Variants in DHX29 observed in about 807,000 individuals in gnomAD.
DHX29 encodes the protein DExH-box helicase 29, also known as ATP-dependent RNA helicase DHX29.
DHX29 carries 79 observed loss-of-function variants against 167.9 expected under a neutral mutation model. The observed-to-expected ratio is 0.47, with a 90% CI of 0.39 to 0.57. The LOEUF (loss-of-function observed/expected upper bound fraction) is 0.57, where lower values mean the gene tolerates loss of function less well. Among genes scored for constraint, DHX29 ranks in the 20% least tolerant of loss-of-function variants. The pLI is 0.00. For synonymous variants in DHX29, 530 were observed against 546.0 expected (o/e 0.97, Z 0.41); for missense variants, 1,347 against 1,593.4 (o/e 0.85, Z 2.63).
At chr5:55,290,130 A>AT (rs1160956818) in intron 7 of DHX29, 88 bp downstream of exon 7, 2 of 1,433,700 alleles carry the variant, frequency 1.4e-6, no homozygotes, top group Non-Finnish European at 1.9e-6. Flanking sequence ...AAGGGTAGAC[A>AT]TATTAAAAGG....
chr5:55,297,500 T>G, intron 2 of DHX29, 102 bp from the exon 3 acceptor site: 1 of 635,394 alleles, frequency 1.6e-6, no homozygotes, highest in Non-Finnish European at 2.7e-6. Flanking sequence ...AGCCCAAAAT[T>G]TCAGCTAAAA....
At chr5:55,269,807 G>T (rs903175950) in intron 20 of DHX29, among the ~76,000 whole-genome samples, 170 bp from the exon 21 acceptor site, 1 of 151,730 alleles carries the variant, frequency 6.6e-6, no homozygotes, top group Non-Finnish European at 1.5e-5. Context: ...GAGGAGTTGG[G>T]GGGAAGAGTG....
intron 12 of DHX29, among the ~76,000 whole-genome samples, chr5:55,280,841 A>G (rs1747363937): frequency 6.6e-6 from 1 of 152,098 alleles, no homozygotes; most frequent in South Asian, 2.1e-4. Flanking sequence ...AGATAACTTG[A>G]ACATTATGAA....
At position 55,307,512 on chromosome 5, in the gene DHX29, G is replaced by A. The variant is rs1205787341; in HGVS notation, c.62C>T (p.Ser21Phe). Residue 21 changes from serine (S) to phenylalanine (F), a missense_variant, in exon 1 of 27, where the codon TCT (serine) becomes TTT (phenylalanine). Transcript: ENST00000251636. ...CTCGGCAGATTTGGCTCTGGAAGCA[G>A]ACACGGCGGCCCGGACCACCGCGGC... Reference protein sequence around the residue: ...PAAAVVRAAVSASRAKSAEAG... With the variant: ...PAAAVVRAAVFASRAKSAEAG... 5.0e-6 allele frequency: 8 copies of A among 1,613,548 alleles called. No individual in the cohort carries two copies. Among genetic ancestry groups the A allele is most frequent in the African/African-American group, 1.3e-5 (1 of 74,934 alleles).
At chr5:55,270,372 G>C (rs1199326887) in intron 20 of DHX29, 40 bp downstream of exon 20, 3 of 1,552,314 alleles carry the variant, frequency 1.9e-6, no homozygotes, top group Non-Finnish European at 2.6e-6. Flanking sequence ...TTCTAGAAAG[G>C]GGCGAAGGAC....
intron 9 of DHX29, 135 bp downstream of exon 9, chr5:55,285,560 CA>C (rs1747676970): frequency 8.1e-7 from 1 of 1,230,166 alleles, no homozygotes; most frequent in Non-Finnish European, 1.1e-6. Flanking sequence ...GATAATCTAT[CA>C]GACAATAAAC....
chr5:55,307,162 A>G (rs1349982709), intron 1 of DHX29, among the ~76,000 whole-genome samples: 1 of 152,244 alleles, frequency 6.6e-6, no homozygotes, highest in Non-Finnish European at 1.5e-5. Context: ...GTGAGTTAAA[A>G]GAGAAATGCC....
intron 1 of DHX29, among the ~76,000 whole-genome samples, chr5:55,302,426 C>T (rs1310410005): frequency 6.6e-6 from 1 of 151,856 alleles, no homozygotes; most frequent in Non-Finnish European, 1.5e-5. Flanking sequence ...AAATGCCAGC[C>T]GGGGCAACAT....
chr5:55,289,376 T>C lies in DHX29; in HGVS notation c.960A>G (p.Ser320=). Residue 320 remains serine, a synonymous_variant, in exon 8 of 27, where the codon TCA becomes TCG. Transcript: ENST00000251636. ...GCTTTTTCCTTTCATTTTGTTGATGTGAAATCTTCATGGCTGGGTTAAATA... is the reference window on the plus strand; with the variant it reads ...GCTTTTTCCTTTCATTTTGTTGATGCGAAATCTTCATGGCTGGGTTAAATA... ...HPVFNPAMKI[S]HQQNERKKPP... is the part of the protein sequence containing the mutation. The C allele has an allele frequency of 6.2e-7, 1 of 1,601,742 alleles. No individual in the cohort carries two copies. The highest frequency in any genetic ancestry group is 8.5e-7 in the Non-Finnish European group (1 of 1,176,338).
chr5:55,265,380 A>G (rs1409876127), intron 23 of DHX29, among the ~76,000 whole-genome samples: 5 of 152,086 alleles, frequency 3.3e-5, no homozygotes, highest in African/African-American at 9.6e-5. Flanking sequence ...GAAAAAAGAA[A>G]AAAAAAAAAC....
chr5:55,283,096 C>A, intron 11 of DHX29, 107 bp downstream of exon 11: 1 of 1,268,362 alleles, frequency 7.9e-7, no homozygotes, highest in East Asian at 2.4e-5. Flanking sequence ...ACTGATCAAC[C>A]AATAGCAGTG....
intron 13 of DHX29, 72 bp from the exon 14 acceptor site, chr5:55,276,478 G>A: frequency 1.7e-6 from 2 of 1,182,294 alleles, no homozygotes; most frequent in Admixed American, 2.7e-5. Context: ...AAGAGAACAG[G>A]GGACACCACC....
At position 55,260,951 on chromosome 5, in the gene DHX29, C is replaced by T. The variant is rs1203965409; in HGVS notation, c.3960+417G>A. The stretch of plus-strand genomic sequence containing the variant: ...GTGGAATGAGAATAAATTTGGGTAT[C>T]AAATAGTCCTAGATTTGAATCTTGC... On this transcript the variant is annotated intron_variant, in intron 25 of 26. Coordinates refer to ENST00000251636, the MANE Select transcript of DHX29 (RefSeq NM_019030.4). 4.6e-5 allele frequency among the ~76,000 whole-genome samples: 7 copies of T among 152,220 alleles called. No individual in the cohort carries two copies. In the East Asian group the frequency reaches 1.4e-3, roughly 29 times the overall value.
chr5:55,287,162 C>T (rs1747774856), intron 8 of DHX29, among the ~76,000 whole-genome samples: 1 of 152,188 alleles, frequency 6.6e-6, no homozygotes, highest in Non-Finnish European at 1.5e-5. Context: ...ACTACTGAGG[C>T]CAGGCATGGT....
chr5:55,275,055 A>G, intron 14 of DHX29, 45 bp from the exon 15 acceptor site: 5 of 1,592,550 alleles, frequency 3.1e-6, no homozygotes, highest in Non-Finnish European at 4.3e-6. Flanking sequence ...AATATTAAGT[A>G]TTTTTGTAAG....
chr5:55,267,792 A>G lies in DHX29; in HGVS notation c.3325T>C (p.Ser1109Pro). Residue 1109 changes from serine (S) to proline (P), a missense_variant, in exon 22 of 27, where the codon TCT becomes CCT. By Grantham distance (74) the Ser-to-Pro change is moderately conservative. Transcript: ENST00000251636. ...CGACCAATTGGTGTGGTAAAAGGAGACTTCTCTGTCATAACTGCAGCTAGT... is the reference window on the plus strand; with the variant it reads ...CGACCAATTGGTGTGGTAAAAGGAGGCTTCTCTGTCATAACTGCAGCTAGT... ...ATLAAVMTEK[S>P]PFTTPIGRKD... 1 of 1,602,506 alleles carries G rather than the reference A, an allele frequency of 6.2e-7. No individual in the cohort carries two copies. Among genetic ancestry groups the G allele is most frequent in the Non-Finnish European group, 8.5e-7 (1 of 1,173,794 alleles).
chr5:55,266,433 C>T (rs1041031723), intron 23 of DHX29, among the ~76,000 whole-genome samples: 11 of 151,562 alleles, frequency 7.3e-5, no homozygotes, highest in African/African-American at 2.4e-4. Flanking sequence ...CCTCAGCCTC[C>T]CGAGTAGCTG....
chr5:55,299,916 C>T (rs1202449580), intron 1 of DHX29, among the ~76,000 whole-genome samples: 1 of 152,118 alleles, frequency 6.6e-6, no homozygotes, highest in African/African-American at 2.4e-5. Flanking sequence ...AATGAGTAAC[C>T]AGGAAACAAC....
intron 24 of DHX29, 26 bp downstream of exon 24, chr5:55,262,604 C>A: frequency 6.2e-7 from 1 of 1,608,686 alleles, no homozygotes; most frequent in Non-Finnish European, 8.5e-7. Flanking sequence ...GCTCTGAATA[C>A]TGGAATTTAG....
Sources: gnomAD v4.1 joint callset for allele counts (sites outside exome capture counted in the v4.1 genomes callset) on GRCh38, gnomAD v4.1.1 for gene constraint, MANE v1.5 for transcripts, NCBI Gene and HGNC (gene_info 2026-07-23, HGNC 2026-07-21) for gene names.